The following VWC2L variants were observed in gnomAD, a reference collection of about 807,000 sequenced individuals.
VWC2L encodes von Willebrand factor C domain containing 2 like.
Under a neutral mutation model 21.6 loss-of-function variants are expected in VWC2L, and 10 were observed. The observed-to-expected ratio is 0.46, with a 90% confidence interval of 0.29 to 0.78. The LOEUF (loss-of-function observed/expected upper bound fraction) is 0.78, where lower values mean the gene tolerates loss of function less well. VWC2L is among the 30% of genes least tolerant of loss of function. VWC2L has a pLI of 0.10. For missense variants in VWC2L, 209 were observed against 277.1 expected (o/e 0.75, Z 1.74); for synonymous variants, 96 against 94.3 (o/e 1.02, Z -0.10).
chr2:214,429,383 A>G (rs1702568811), intron 2 of VWC2L, among the ~76,000 whole-genome samples: 1 of 152,184 alleles, frequency 6.6e-6, no homozygotes, highest in African/African-American at 2.4e-5. Context: ...GTATTTCACA[A>G]GTATAGGTGT....
chr2:214,532,165 G>T (rs1317167597), intron 3 of VWC2L, among the ~76,000 whole-genome samples: 7 of 152,082 alleles, frequency 4.6e-5, no homozygotes, highest in African/African-American at 1.7e-4. Context: ...ACCCACTTCT[G>T]ATCACATAGG....
intron 3 of VWC2L, among the ~76,000 whole-genome samples, chr2:214,570,987 T>A (rs930468868): frequency 2.6e-5 from 4 of 152,162 alleles, no homozygotes; most frequent in African/African-American, 9.7e-5. Flanking sequence ...TGCCCAAGCA[T>A]CTTCTCCAAG....
intron 3 of VWC2L, among the ~76,000 whole-genome samples, chr2:214,502,605 C>T (rs1688910897): frequency 6.6e-6 from 1 of 152,134 alleles, no homozygotes; most frequent in African/African-American, 2.4e-5. Flanking sequence ...CTATTGAGCA[C>T]AGTTTGCTGC....
chr2:214,452,247 C>G (rs4673827), intron 3 of VWC2L, among the ~76,000 whole-genome samples: 24,217 of 152,134 alleles, frequency 0.16, 2,017 homozygotes, highest in East Asian at 0.25. Flanking sequence ...CCTCAACCTC[C>G]TGGGCTCAGA....
chr2:214,557,798 C>T (rs935132247), intron 3 of VWC2L, among the ~76,000 whole-genome samples: 3 of 152,156 alleles, frequency 2.0e-5, no homozygotes, highest in Non-Finnish European at 2.9e-5. Flanking sequence ...CACAGAATTT[C>T]GTGCCTTTCT....
At chr2:214,547,075 A>T (rs1574629746) in intron 3 of VWC2L, among the ~76,000 whole-genome samples, 1 of 152,182 alleles carries the variant, frequency 6.6e-6, no homozygotes, top group Non-Finnish European at 1.5e-5. Flanking sequence ...CCTAAAAAGA[A>T]GACGGTCAGC....
At chr2:214,516,440 C>A (rs145645847) in intron 3 of VWC2L, among the ~76,000 whole-genome samples, 287 of 152,192 alleles carry the variant, frequency 1.9e-3, no homozygotes, top group African/African-American at 6.7e-3. Context: ...TGGGTAAGGG[C>A]TACACCAGCA....
intron 2 of VWC2L, chr2:214,436,214 TCTC>T (rs1430389745): frequency 1.2e-5 from 2 of 163,352 alleles, no homozygotes; most frequent in African/African-American, 4.8e-5. Flanking sequence ...TCTCAGTAAT[TCTC>T]CTCCTTTCTC....
At chr2:214,505,894 T>A (rs1305886022) in intron 3 of VWC2L, among the ~76,000 whole-genome samples, 1 of 152,202 alleles carries the variant, frequency 6.6e-6, no homozygotes, top group African/African-American at 2.4e-5. Flanking sequence ...TTTTGGAGAC[T>A]TTTTTAAATC....
At chr2:214,455,698 G>A (rs1029714810) in intron 3 of VWC2L, among the ~76,000 whole-genome samples, 5 of 151,872 alleles carry the variant, frequency 3.3e-5, no homozygotes, top group Admixed American at 6.6e-5. Flanking sequence ...TTAACTCACC[G>A]CAGAACAATC....
At chr2:214,488,213 A>C (rs554424186) in intron 3 of VWC2L, among the ~76,000 whole-genome samples, 2 of 152,156 alleles carry the variant, frequency 1.3e-5, no homozygotes. Context: ...AGACTTCACT[A>C]TAAGTCTATT....
intron 3 of VWC2L, among the ~76,000 whole-genome samples, chr2:214,483,363 C>T (rs1330881150): frequency 2.0e-5 from 3 of 151,178 alleles, no homozygotes; most frequent in East Asian, 3.9e-4. Flanking sequence ...TTCTGTTAGG[C>T]TTTCAACTTC....
chr2:214,516,582 C>T, intron 3 of VWC2L, among the ~76,000 whole-genome samples: 1 of 151,498 alleles, frequency 6.6e-6, no homozygotes, highest in Non-Finnish European at 1.5e-5. Context: ...GCATTGGTAG[C>T]TTTAGTTTAT....
chr2:214,460,176 C>G (rs1703119556), intron 3 of VWC2L, among the ~76,000 whole-genome samples: 1 of 152,168 alleles, frequency 6.6e-6, no homozygotes. Context: ...CCTGAGATCA[C>G]AGGCGTGAGC....
chr2:214,533,855 G>A (rs1377111686), intron 3 of VWC2L: 1 of 152,184 alleles, frequency 6.6e-6, no homozygotes, highest in Non-Finnish European at 1.5e-5. Context: ...AGCAGTCAGA[G>A]TTTAGCCATA....
At chr2:214,571,631 C>T (rs1690150609) in intron 3 of VWC2L, among the ~76,000 whole-genome samples, 1 of 152,162 alleles carries the variant, frequency 6.6e-6, no homozygotes, top group South Asian at 2.1e-4. Flanking sequence ...CAGTAGTAGA[C>T]CTGGACCATA....
intron 3 of VWC2L, among the ~76,000 whole-genome samples, chr2:214,503,986 AC>A (rs35029434): frequency 0.79 from 119,381 of 152,036 alleles, 48,668 homozygotes; most frequent in East Asian, 0.99. Context: ...CTATAAGAAG[AC>A]CACTTATATT....
chr2:214,509,923 C>G (rs1047568280), intron 3 of VWC2L, among the ~76,000 whole-genome samples: 2 of 152,020 alleles, frequency 1.3e-5, no homozygotes, highest in Non-Finnish European at 2.9e-5. Flanking sequence ...GATCAGAATG[C>G]CATATTAAAA....
intron 3 of VWC2L, chr2:214,473,776 TAAAAAA>T (rs57654944): frequency 6.9e-6 from 1 of 145,568 alleles, no homozygotes; most frequent in Non-Finnish European, 1.5e-5. Flanking sequence ...CTTCCTGATT[TAAAAAA>T]AAAAAAAAGA....
Sources: gnomAD v4.1 joint callset for allele counts (sites outside exome capture counted in the v4.1 genomes callset) on GRCh38, gnomAD v4.1.1 for gene constraint, MANE v1.5 for transcripts, NCBI Gene and HGNC (gene_info 2026-07-23, HGNC 2026-07-21) for gene names.